Variants in PCLO observed in about 807,000 individuals in gnomAD.
PCLO encodes the protein protein piccolo.
Under a neutral mutation model 427.5 loss-of-function variants are expected in PCLO, and 82 were observed. That is an observed-to-expected ratio of 0.19 (90% CI 0.16 to 0.23). PCLO has a LOEUF of 0.23. PCLO is among the 10% of genes least tolerant of loss of function. PCLO has a pLI of 1.00. For synonymous variants in PCLO, 2,357 were observed against 2,155.4 expected, an observed-to-expected ratio of 1.09 and a Z score of -2.59; for missense variants, 6,239 against 6,115.9, an observed-to-expected ratio of 1.02 and a Z score of -0.67.
At chr7:82,962,934 A>C (rs1795684619) in intron 4 of PCLO, among the ~76,000 whole-genome samples, 1 of 152,010 alleles carries the variant, frequency 6.6e-6, no homozygotes, top group Admixed American at 6.5e-5. Flanking sequence ...ACCATGACAC[A>C]GATATTTACT....
intron 22 of PCLO, among the ~76,000 whole-genome samples, chr7:82,782,157 G>A (rs1431134483): frequency 6.6e-6 from 1 of 152,172 alleles, no homozygotes; most frequent in African/African-American, 2.4e-5. Context: ...CCCTTGACCT[G>A]TGGGTTCTGA....
At chr7:82,859,548 G>T (rs1202994118) in intron 10 of PCLO, among the ~76,000 whole-genome samples, 2 of 152,206 alleles carry the variant, frequency 1.3e-5, no homozygotes, top group Non-Finnish European at 2.9e-5. Context: ...GCATTACTGG[G>T]CTTGGGGTGC....
chr7:83,146,562 C>T (rs984063020), intron 2 of PCLO, among the ~76,000 whole-genome samples: 1 of 151,536 alleles, frequency 6.6e-6, no homozygotes, highest in Non-Finnish European at 1.5e-5. Context: ...GCAAGTTAAC[C>T]CTTTACTATA....
intron 3 of PCLO, among the ~76,000 whole-genome samples, chr7:83,065,181 G>T (rs1223275882): frequency 6.6e-6 from 1 of 151,836 alleles, no homozygotes; most frequent in Admixed American, 6.6e-5. Flanking sequence ...TCCTTCCATG[G>T]GGAGTAGGCT....
At chr7:82,870,489 A>T (rs1053659895) in intron 10 of PCLO, among the ~76,000 whole-genome samples, 1 of 152,072 alleles carries the variant, frequency 6.6e-6, no homozygotes, top group African/African-American at 2.4e-5. Flanking sequence ...AACTACTAGA[A>T]GAAAAACATT....
In PCLO at chr7:82,950,592, T is replaced by G. The variant is rs757381705; in HGVS notation, c.9996A>C (p.Thr3332=). The change falls in exon 6 of 25, where the codon ACA becomes ACC. Residue 3332 remains threonine (T), a synonymous_variant. Coordinates refer to ENST00000333891, the MANE Select transcript of PCLO (RefSeq NM_033026.6). ...PSGTASPQTT[T]EQAILEGQYA... is the part of the protein sequence containing the mutation. ...ACTGACCTTCCAAAATTGCCTGCTC[T>G]GTAGTGGTTTGTGGAGAAGCAGTTC... 6.2e-7 allele frequency: 1 copy of G among 1,613,878 alleles called. No homozygotes were observed. The highest frequency in any genetic ancestry group is 8.5e-7 in the Non-Finnish European group (1 of 1,179,834).
chr7:82,826,223 C>G (rs1405295886), intron 18 of PCLO, among the ~76,000 whole-genome samples: 1 of 151,870 alleles, frequency 6.6e-6, no homozygotes, highest in East Asian at 1.9e-4. Context: ...ACAATGCAAT[C>G]AATATGTCAC....
chr7:82,761,390 T>A lies in PCLO; in HGVS notation c.15111A>T (p.Thr5037=), dbSNP rs772816654. 5 of 1,519,070 alleles carry A rather than the reference T, an allele frequency of 3.3e-6. No individual in the cohort carries two copies. The highest frequency in any genetic ancestry group is 4.5e-6 in the Non-Finnish European group (5 of 1,107,420). The allele number at this position is 1,519,070 out of a possible 1,614,324, so 94.1% of individuals were successfully genotyped here. A position where few individuals can be genotyped will look rare whatever the true frequency, so the allele number is the denominator to read the frequency against. ...IVEILQCRNI[T]YKFKSPDHLP... is the part of the protein sequence containing the mutation. Reference sequence around the variant, plus strand: ...GATGATCAGGAGACTTAAATTTGTATGTAATATTTCTGCATTGGAGAATTT... The same window carrying A: ...GATGATCAGGAGACTTAAATTTGTAAGTAATATTTCTGCATTGGAGAATTT... The change falls in exon 23 of 25, where the codon ACA becomes ACT. Residue 5037 remains threonine (T), a synonymous_variant. Transcript: ENST00000333891.
chr7:83,128,619 A>C (rs1265297003), intron 3 of PCLO, among the ~76,000 whole-genome samples: 4 of 152,176 alleles, frequency 2.6e-5, no homozygotes, highest in Non-Finnish European at 5.9e-5. Flanking sequence ...AAAAAAGACT[A>C]TACAGAAAAG....
chr7:83,099,789 T>A (rs1449899153), intron 3 of PCLO, among the ~76,000 whole-genome samples: 1 of 152,020 alleles, frequency 6.6e-6, no homozygotes, highest in Non-Finnish European at 1.5e-5. Context: ...CATATCTACA[T>A]CTAGAACATG....
Position 82,798,180 on chromosome 7 carries a change from G to T in PCLO, c.15007+3338C>A, listed in dbSNP as rs542028169. 5.3e-5 allele frequency among the ~76,000 whole-genome samples: 8 copies of T among 152,094 alleles called. No homozygotes were observed. In the South Asian group the frequency reaches 1.5e-3, roughly 28 times the overall value. On this transcript the variant is annotated intron_variant, in intron 22 of 24. Transcript: ENST00000333891. ...TGAGTATTTCTTAGAGTGGACTAAG[G>T]TATTCATAAAACAAAGTGCTTAAAT...
At chr7:82,922,407 A>G (rs1250180891) in intron 6 of PCLO, among the ~76,000 whole-genome samples, 3 of 152,098 alleles carry the variant, frequency 2.0e-5, no homozygotes, top group Non-Finnish European at 2.9e-5. Context: ...CTATGCAGCC[A>G]TAAAAATGAA....
rs1226696037 is a variant in PCLO, at chr7:82,966,450, C to T, written c.3338G>A (p.Arg1113Lys). The change falls in exon 4 of 25, where the codon AGA (arginine) becomes AAA (lysine). Residue 1113 changes from arginine to lysine, a missense_variant. Physicochemically the swap from Arg to Lys is conservative, Grantham distance 26. Around this residue, in one of 5 missense-constraint regions of PCLO, gnomAD observed 4,677 missense variants for 4,468.4 expected, o/e 1.05. Coordinates refer to ENST00000333891, the MANE Select transcript of PCLO (RefSeq NM_033026.6). ...EWLCLNCQTQ[R>K]AISGQLGDIR... ...GTCTCCAAGCTGTCCTGATATTGCT[C>T]TCTGGGTTTGGCAATTTAAACAAAG... 3 of 1,590,190 alleles carry T rather than the reference C, an allele frequency of 1.9e-6. No homozygotes were observed. Among genetic ancestry groups the T allele is most frequent in the Admixed American group, 1.9e-5 (1 of 53,324 alleles).
chr7:82,885,793 A>G lies in PCLO; in HGVS notation c.13529-6331T>C, dbSNP rs373388552. Reference sequence around the variant, plus strand: ...TTTAAAATAAAAGAGCAAATGGAAAAAAAAAAAAGCCCTGCATTTTGCATG... The same window carrying G: ...TTTAAAATAAAAGAGCAAATGGAAAGAAAAAAAAGCCCTGCATTTTGCATG... On this transcript the variant is annotated intron_variant, in intron 9 of 24. Coordinates refer to ENST00000333891, the MANE Select transcript of PCLO (RefSeq NM_033026.6). Among the ~76,000 whole-genome samples the G allele has an allele frequency of 1.0e-2, 1,514 of 152,116 alleles. 25 individuals are homozygous for G. The highest frequency in any genetic ancestry group is 0.034 in the African/African-American group (1,415 of 41,464).
Position 82,965,955 on chromosome 7 carries a change from C to T in PCLO, c.3833G>A (p.Gly1278Asp). 6.2e-7 allele frequency: 1 copy of T among 1,613,862 alleles called. No homozygotes were observed. The highest frequency in any genetic ancestry group is 1.1e-5 in the South Asian group (1 of 91,058). The stretch of plus-strand genomic sequence containing the variant: ...TTGCACTGTCTTTGGAGCCACTCTG[C>T]CTTCAAGCTTTTCTTCAGCAATTTG... The part of the protein sequence containing the change: ...QVQIAEEKLE[G>D]RVAPKTVQEG... Residue 1278 changes from glycine (G) to aspartate (D), a missense_variant, in exon 4 of 25, where the codon GGC (glycine) becomes GAC (aspartate). Around this residue, in one of 5 missense-constraint regions of PCLO, gnomAD observed 4,677 missense variants for 4,468.4 expected, o/e 1.05. Coordinates refer to ENST00000333891, the MANE Select transcript of PCLO (RefSeq NM_033026.6).
At chr7:82,780,410 C>T (rs1025091652) in intron 22 of PCLO, among the ~76,000 whole-genome samples, 1 of 152,190 alleles carries the variant, frequency 6.6e-6, no homozygotes, top group Non-Finnish European at 1.5e-5. Flanking sequence ...TATCAATTTT[C>T]AGTCTTCTGG....
In PCLO at chr7:82,952,919, C is replaced by T. The variant is rs761000479; in HGVS notation, c.8034G>A (p.Glu2678=). 1 of 1,613,886 alleles carries T rather than the reference C, an allele frequency of 6.2e-7. No homozygotes were observed. Among genetic ancestry groups the T allele is most frequent in the South Asian group, 1.1e-5 (1 of 91,080 alleles). ...QFLTTEVSKT[E]VSATRSTAPS... ...GAGCTGTACTTCTGGTTGCTGAAAC[C>T]TCAGTCTTGGAAACTTCAGTAGTGA... The change falls in exon 5 of 25, where the codon GAG becomes GAA. Residue 2678 remains glutamate (E), a synonymous_variant. Coordinates refer to ENST00000333891, the MANE Select transcript of PCLO (RefSeq NM_033026.6).
intron 3 of PCLO, among the ~76,000 whole-genome samples, chr7:83,076,138 A>C (rs940260597): frequency 7.3e-6 from 1 of 136,850 alleles, no homozygotes; most frequent in Admixed American, 7.5e-5. Context: ...AAAAAAAAAA[A>C]CTCATACCTT....
chr7:82,906,914 T>C (rs1014750315), intron 8 of PCLO, among the ~76,000 whole-genome samples: 5 of 152,022 alleles, frequency 3.3e-5, no homozygotes, highest in African/African-American at 9.7e-5. Context: ...TGAGCAGACA[T>C]AGCAAGAAAT....
Sources: allele counts gnomAD v4.1 joint callset (sites outside exome capture counted in the v4.1 genomes callset), GRCh38; gene constraint gnomAD v4.1.1; regional missense constraint gnomAD v4.1.1; transcripts MANE v1.5; gene names NCBI Gene and HGNC (gene_info 2026-07-23, HGNC 2026-07-21).